PIK3C3: variants seen among roughly 807,000 people sequenced by gnomAD.
PIK3C3 encodes the protein PI3-kinase type 3.
A neutral mutation model predicts 126.1 loss-of-function variants in PIK3C3; 95 were observed. That is an observed-to-expected ratio of 0.75 (90% CI 0.64 to 0.89). The LOEUF (loss-of-function observed/expected upper bound fraction) is 0.89, where lower values mean the gene tolerates loss of function less well. Ranked by LOEUF, PIK3C3 falls within the 40% of genes least tolerant of loss-of-function variation. The pLI, the probability that PIK3C3 is intolerant of heterozygous loss-of-function variation, is 0.00. For synonymous variants in PIK3C3, 374 were observed against 360.0 expected (o/e 1.04, Z -0.44); for missense variants, 829 against 1,063.2 (o/e 0.78, Z 3.06).
intron 7 of PIK3C3, among the ~76,000 whole-genome samples, chr18:41,994,467 G>A (rs1177481215): frequency 6.6e-6 from 1 of 152,084 alleles, no homozygotes; most frequent in Non-Finnish European, 1.5e-5. Context: ...GGACTGAGAT[G>A]ATATACAGCT....
intron 20 of PIK3C3, chr18:42,049,323 C>T: frequency 2.6e-6 from 1 of 391,400 alleles, no homozygotes; most frequent in Non-Finnish European, 4.6e-6. Flanking sequence ...TGTAATTTAA[C>T]AGAATTCTAC....
intron 24 of PIK3C3, among the ~76,000 whole-genome samples, chr18:42,080,468 A>G (rs888398281): frequency 6.7e-6 from 1 of 149,490 alleles, no homozygotes; most frequent in Non-Finnish European, 1.5e-5. Context: ...TCATGTAAGC[A>G]GCATTCATAA....
chr18:42,036,420 G>A (rs539502522), intron 16 of PIK3C3, among the ~76,000 whole-genome samples: 1 of 150,846 alleles, frequency 6.6e-6, no homozygotes, highest in African/African-American at 2.4e-5. Flanking sequence ...TTTTGTTTTT[G>A]TTTTTAAATT....
chr18:42,002,397 C>T (rs949132171), intron 9 of PIK3C3, among the ~76,000 whole-genome samples: 3 of 152,084 alleles, frequency 2.0e-5, no homozygotes, highest in Non-Finnish European at 2.9e-5. Flanking sequence ...TTAGAATGTC[C>T]TATCATCTAG....
chr18:41,986,617 TTGTC>T (rs60439319), intron 4 of PIK3C3, among the ~76,000 whole-genome samples: 12,237 of 152,062 alleles, frequency 0.08, 1,605 homozygotes, highest in African/African-American at 0.28. Context: ...GTAGGTCACA[TTGTC>T]TGATCTTCTT....
intron 9 of PIK3C3, among the ~76,000 whole-genome samples, chr18:41,997,316 G>A (rs528628937): frequency 5.9e-5 from 9 of 152,156 alleles, no homozygotes; most frequent in African/African-American, 2.2e-4. Context: ...ACAGGATAAC[G>A]GGTAGGTCAA....
At chr18:42,052,607 A>G (rs2144495497) in intron 21 of PIK3C3, 1 of 152,298 alleles carries the variant, frequency 6.6e-6, no homozygotes, top group Admixed American at 6.5e-5. Context: ...AGTTCTAACA[A>G]TTTATAATAA....
At chr18:42,046,659 C>A (rs1351741471) in intron 20 of PIK3C3, among the ~76,000 whole-genome samples, 2 of 152,046 alleles carry the variant, frequency 1.3e-5, no homozygotes, top group African/African-American at 4.8e-5. Flanking sequence ...AATTTTCTAG[C>A]AAATTTATTT....
intron 13 of PIK3C3, chr18:42,025,982 A>T (rs1983550016): frequency 6.6e-6 from 1 of 152,252 alleles, no homozygotes; most frequent in South Asian, 2.1e-4. Context: ...TGAATGGCTG[A>T]ATACAGAGTA....
chr18:42,013,441 G>T lies in PIK3C3; in HGVS notation c.1171-1G>T. ...TTACTTTACTTTTTTTTGTTTTCCA[G>T]GATTTGTTGATGTACCTATTACAAT... On this transcript the variant is annotated splice_acceptor_variant, in intron 10 of 24. Transcript: ENST00000262039. LOFTEE classifies it high-confidence loss of function. 1 of 1,479,854 alleles carries T rather than the reference G, an allele frequency of 6.8e-7. No individual in the cohort carries two copies. The highest frequency in any genetic ancestry group is 2.6e-5 in the East Asian group (1 of 38,100). 91.7% of individuals were successfully genotyped at this position (1,479,854 alleles called of 1,614,324 possible). A position where few individuals can be genotyped will look rare whatever the true frequency, so the allele number is the denominator to read the frequency against.
At position 42,007,023 on chromosome 18, in the gene PIK3C3, C is replaced by T. The variant is rs568070845; in HGVS notation, c.1170+2482C>T. ...GGACTGCAGGTGCCCGCCACCACCCCTGGATACTTTTTTGAATTTCTTTTT... is the reference window on the plus strand; with the variant it reads ...GGACTGCAGGTGCCCGCCACCACCCTTGGATACTTTTTTGAATTTCTTTTT... On this transcript the variant is annotated intron_variant, in intron 10 of 24. Transcript: ENST00000262039. 1.1e-4 allele frequency among the ~76,000 whole-genome samples: 17 copies of T among 152,196 alleles called. No homozygotes were observed. The South Asian group carries it at 1.9e-3, about 17-fold the overall frequency.
intron 13 of PIK3C3, among the ~76,000 whole-genome samples, chr18:42,022,138 CCTTTTTT>C (rs1448625789): frequency 1.3e-5 from 2 of 151,956 alleles, no homozygotes; most frequent in Non-Finnish European, 2.9e-5. Flanking sequence ...CACTCTTTTT[CCTTTTTT>C]CTTTTTTATT....
intron 18 of PIK3C3, 137 bp from the exon 19 acceptor site, chr18:42,040,533 CTTAATGT>C: frequency 2.0e-6 from 1 of 492,550 alleles, no homozygotes; most frequent in Non-Finnish European, 3.5e-6. Flanking sequence ...CCAGTACAAA[CTTAATGT>C]AGTGTACACT....
At chr18:41,993,384 G>C (rs1256393119) in intron 7 of PIK3C3, 43 bp downstream of exon 7, 2 of 1,206,856 alleles carry the variant, frequency 1.7e-6, no homozygotes, top group Non-Finnish European at 2.4e-6. Context: ...CTTTTCTTCA[G>C]AGTAATTGTG....
chr18:41,997,886 A>G (rs893888352), intron 9 of PIK3C3, among the ~76,000 whole-genome samples: 15 of 152,190 alleles, frequency 9.9e-5, no homozygotes, highest in African/African-American at 3.1e-4. Context: ...AACATCATAT[A>G]CATGCCTTAG....
chr18:41,996,033 ATGGGTGTTC>A, intron 8 of PIK3C3, 39 bp downstream of exon 8: 1 of 1,342,924 alleles, frequency 7.4e-7, no homozygotes. Context: ...AAATAGTTAA[ATGGGTGTTC>A]TGGTTGAAAC....
intron 13 of PIK3C3, chr18:42,026,598 G>A (rs1431057137): frequency 6.6e-6 from 1 of 152,146 alleles, no homozygotes; most frequent in South Asian, 2.1e-4. Flanking sequence ...TGGGACTATA[G>A]TCGGCGACAC....
chr18:42,071,676 C>T (rs987455714), intron 24 of PIK3C3, among the ~76,000 whole-genome samples: 6 of 151,108 alleles, frequency 4.0e-5, no homozygotes, highest in Non-Finnish European at 8.8e-5. Flanking sequence ...GCCAAGATCA[C>T]TCCACTGCCC....
chr18:42,060,542 G>A (rs1985269098), intron 22 of PIK3C3, among the ~76,000 whole-genome samples: 2 of 152,002 alleles, frequency 1.3e-5, no homozygotes, highest in Admixed American at 1.3e-4. Context: ...AGGCTGAGGT[G>A]GGTGGATCAC....
Sources: gnomAD v4.1 joint callset for allele counts (sites outside exome capture counted in the v4.1 genomes callset) on GRCh38, gnomAD v4.1.1 for gene constraint, MANE v1.5 for transcripts, NCBI Gene and HGNC (gene_info 2026-07-23, HGNC 2026-07-21) for gene names.